Variants in NFATC2 observed in about 807,000 individuals in gnomAD.
The protein encoded by NFATC2 is nuclear factor of activated T cells 2.
A neutral mutation model predicts 87.3 loss-of-function variants in NFATC2; 22 were observed. The observed-to-expected ratio is 0.25, with a 90% CI of 0.18 to 0.36. NFATC2 has a LOEUF of 0.36. Among genes scored for constraint, NFATC2 ranks in the 10% least tolerant of loss-of-function variants. NFATC2 has a pLI of 1.00. For missense variants in NFATC2, 1,149 were observed against 1,259.1 expected, an observed-to-expected ratio of 0.91 and a Z score of 1.32; for synonymous variants, 565 against 542.2, an observed-to-expected ratio of 1.04 and a Z score of -0.58.
chr20:51,457,030 G>A (rs1228428144), intron 5 of NFATC2, among the ~76,000 whole-genome samples: 3 of 152,218 alleles, frequency 2.0e-5, no homozygotes, highest in African/African-American at 7.2e-5. Context: ...GCCTGCCAGC[G>A]CTGCCCCAGG....
intron 2 of NFATC2, among the ~76,000 whole-genome samples, chr20:51,519,291 C>G (rs1045740696): frequency 2.0e-5 from 3 of 152,168 alleles, no homozygotes; most frequent in African/African-American, 7.2e-5. Flanking sequence ...TCAATTTATA[C>G]TTTTGTTTGG....
At chr20:51,548,193 C>T (rs1400485909) in intron 1 of NFATC2, among the ~76,000 whole-genome samples, 1 of 152,126 alleles carries the variant, frequency 6.6e-6, no homozygotes, top group Non-Finnish European at 1.5e-5. Context: ...TGACCCCACC[C>T]CAGGGCCTTT....
At chr20:51,393,692 C>G (rs1440741257) in intron 10 of NFATC2, among the ~76,000 whole-genome samples, 1 of 152,162 alleles carries the variant, frequency 6.6e-6, no homozygotes, top group Admixed American at 6.5e-5. Context: ...ATGCCCGGGG[C>G]AGGTGGGGTC....
chr20:51,503,111 G>A (rs1382118436), intron 3 of NFATC2, among the ~76,000 whole-genome samples: 4 of 152,162 alleles, frequency 2.6e-5, no homozygotes, highest in Non-Finnish European at 4.4e-5. Flanking sequence ...ACTATCTCTG[G>A]CGGGATGTCC....
intron 10 of NFATC2, among the ~76,000 whole-genome samples, chr20:51,393,672 C>T (rs762974098): frequency 1.5e-4 from 23 of 152,112 alleles, no homozygotes; most frequent in Admixed American, 8.5e-4. Context: ...ACTTATGTAG[C>T]GAAAGCCAAA....
At chr20:51,438,884 A>G (rs1359761330) in intron 6 of NFATC2, among the ~76,000 whole-genome samples, 2 of 152,246 alleles carry the variant, frequency 1.3e-5, no homozygotes, top group Non-Finnish European at 2.9e-5. Flanking sequence ...TAGTTATTAA[A>G]TCACAGCCTT....
intron 1 of NFATC2, among the ~76,000 whole-genome samples, chr20:51,554,735 G>A (rs16996079): frequency 9.9e-5 from 15 of 152,210 alleles, no homozygotes; most frequent in East Asian, 3.9e-4. Flanking sequence ...GTTTTGTCTC[G>A]CACGAGTCTG....
At chr20:51,500,317 G>A (rs2076057039) in intron 3 of NFATC2, among the ~76,000 whole-genome samples, 1 of 151,984 alleles carries the variant, frequency 6.6e-6, no homozygotes, top group Non-Finnish European at 1.5e-5. Flanking sequence ...ATTTTTAATA[G>A]AAAAAATGAC....
chr20:51,439,731 G>A (rs1391685827), intron 6 of NFATC2, among the ~76,000 whole-genome samples: 1 of 152,180 alleles, frequency 6.6e-6, no homozygotes, highest in African/African-American at 2.4e-5. Context: ...TCACCCCAGT[G>A]CTCTGCCATT....
chr20:51,512,219 T>C (rs1340942607), intron 3 of NFATC2, among the ~76,000 whole-genome samples: 1 of 152,202 alleles, frequency 6.6e-6, no homozygotes, highest in Non-Finnish European at 1.5e-5. Flanking sequence ...TACCATCTCT[T>C]GTCATGGTTT....
chr20:51,418,271 C>A (rs1422666250), intron 9 of NFATC2, among the ~76,000 whole-genome samples: 1 of 152,222 alleles, frequency 6.6e-6, no homozygotes, highest in Non-Finnish European at 1.5e-5. Context: ...GTTACTTCTA[C>A]CAGAGCTGGA....
intron 1 of NFATC2, among the ~76,000 whole-genome samples, chr20:51,530,738 G>C (rs1036986568): frequency 6.6e-6 from 1 of 152,008 alleles, no homozygotes; most frequent in Non-Finnish European, 1.5e-5. Context: ...CATACCTCCC[G>C]ACCTTACATC....
chr20:51,395,536 T>C (rs575196830), intron 10 of NFATC2, among the ~76,000 whole-genome samples: 2 of 151,902 alleles, frequency 1.3e-5, no homozygotes, highest in African/African-American at 2.4e-5. Flanking sequence ...GAGTCTGCCA[T>C]GGTGCTCTTG....
chr20:51,391,203 GA>G lies in NFATC2; in HGVS notation c.*292del. ...CTCTCTGGGATTTAAAACATAAACC[GA>G]AAAGAAGAGTTCTCTCTGGTGTTTA... On this transcript the variant is annotated 3_prime_UTR_variant, in exon 11 of 11. Transcript: ENST00000371564. 1 of 705,786 alleles carries G rather than the reference GA, an allele frequency of 1.4e-6. No individual in the cohort carries two copies. 43.7% of individuals were successfully genotyped at this position (705,786 alleles called of 1,614,324 possible).
intron 6 of NFATC2, among the ~76,000 whole-genome samples, chr20:51,445,314 G>T (rs1036982226): frequency 6.6e-6 from 1 of 152,036 alleles, no homozygotes; most frequent in Non-Finnish European, 1.5e-5. Flanking sequence ...CTTGGCACTG[G>T]GCAGCTCCTT....
At chr20:51,526,742 C>T (rs1011697012) in intron 1 of NFATC2, among the ~76,000 whole-genome samples, 2 of 152,062 alleles carry the variant, frequency 1.3e-5, no homozygotes, top group African/African-American at 4.8e-5. Flanking sequence ...TCTTAGGGTC[C>T]ATATGGTACC....
intron 3 of NFATC2, among the ~76,000 whole-genome samples, chr20:51,500,586 C>T (rs1203784386): frequency 6.6e-6 from 1 of 150,662 alleles, no homozygotes; most frequent in Non-Finnish European, 1.5e-5. Flanking sequence ...TGAGGTTGCA[C>T]AGCGAGGCTC....
intron 1 of NFATC2, among the ~76,000 whole-genome samples, chr20:51,527,507 G>A (rs2076564148): frequency 6.6e-6 from 1 of 151,974 alleles, no homozygotes; most frequent in African/African-American, 2.4e-5. Context: ...CCTCGACCTC[G>A]AGATCCACCC....
At chr20:51,461,663 C>T (rs1987167085) in intron 5 of NFATC2, among the ~76,000 whole-genome samples, 1 of 152,254 alleles carries the variant, frequency 6.6e-6, no homozygotes, top group African/African-American at 2.4e-5. Flanking sequence ...GCACAGGGTT[C>T]CCCCACATCG....
Sources: gnomAD v4.1 joint callset for allele counts (sites outside exome capture counted in the v4.1 genomes callset) on GRCh38, gnomAD v4.1.1 for gene constraint, MANE v1.5 for transcripts, NCBI Gene and HGNC (gene_info 2026-07-23, HGNC 2026-07-21) for gene names.